SLIT1: variants seen among roughly 807,000 people sequenced by gnomAD.
SLIT1 encodes the protein slit guidance ligand 1, also known as slit homolog 1 protein.
In SLIT1, 66 loss-of-function variants were observed where a neutral mutation model predicts 186.1. That is an observed-to-expected ratio of 0.35 (90% CI 0.29 to 0.44). The LOEUF (loss-of-function observed/expected upper bound fraction) is 0.44. Among genes scored for constraint, SLIT1 ranks in the 20% least tolerant of loss-of-function variants. The probability of loss-of-function intolerance (pLI) is 1.00; values close to 1 mark genes in which losing one functional copy is unlikely to be tolerated. For synonymous variants in SLIT1, 761 were observed against 833.8 expected (o/e 0.91, Z 1.50); for missense variants, 1,638 against 2,037.4 (o/e 0.80, Z 3.77).
intron 4 of SLIT1, among the ~76,000 whole-genome samples, chr10:97,070,705 C>T (rs1848994539): frequency 6.6e-6 from 1 of 152,204 alleles, no homozygotes; most frequent in Non-Finnish European, 1.5e-5. Flanking sequence ...GTCTATGAAG[C>T]CGGAAGCAGC....
intron 1 of SLIT1, among the ~76,000 whole-genome samples, chr10:97,168,646 T>C (rs1387945106): frequency 6.6e-6 from 1 of 152,192 alleles, no homozygotes; most frequent in African/African-American, 2.4e-5. Context: ...GTGACTGGAA[T>C]CCCTGGGCTG....
intron 4 of SLIT1, among the ~76,000 whole-genome samples, chr10:97,096,163 C>T (rs1849286685): frequency 6.6e-6 from 1 of 152,222 alleles, no homozygotes; most frequent in Non-Finnish European, 1.5e-5. Context: ...GCCCAGCAAA[C>T]AAAACAGCCA....
chr10:97,066,060 G>A lies in SLIT1; in HGVS notation c.440C>T (p.Ala147Val), dbSNP rs1182685878. 5 of 1,605,740 alleles carry A rather than the reference G, an allele frequency of 3.1e-6. No homozygotes were observed. In the South Asian group the frequency reaches 4.5e-5, roughly 14 times the overall value. ...TCCCCGAAAAGCTTTCCTGGGGATG[G>A]CCTGGATGGCGTTCTCACTCAAGTC... ...RLDLSENAIQ[A>V]IPRKAFRGAT... Residue 147 changes from alanine (A) to valine (V), a missense_variant, in exon 5 of 37, where the codon GCC (alanine) becomes GTC (valine). By Grantham distance (64) the Ala-to-Val change is moderately conservative (BLOSUM62 0). Coordinates refer to ENST00000266058, the MANE Select transcript of SLIT1 (RefSeq NM_003061.3).
intron 28 of SLIT1, 30 bp from the exon 29 acceptor site, chr10:97,014,188 A>G: frequency 6.2e-7 from 1 of 1,610,656 alleles, no homozygotes. Flanking sequence ...ATGGAGAGAC[A>G]GCCCTCTTGG....
At chr10:97,126,199 C>A (rs139198664) in intron 4 of SLIT1, among the ~76,000 whole-genome samples, 2 of 152,214 alleles carry the variant, frequency 1.3e-5, no homozygotes, top group Non-Finnish European at 2.9e-5. Flanking sequence ...TTCGCTTACA[C>A]AGAAAGCACC....
chr10:97,025,408 A>G (rs772286532), intron 25 of SLIT1, among the ~76,000 whole-genome samples: 28 of 152,198 alleles, frequency 1.8e-4, no homozygotes, highest in Admixed American at 5.9e-4. Flanking sequence ...TTGTTTCTAT[A>G]CTGAATAGAC....
chr10:97,183,111 T>A (rs902472), intron 1 of SLIT1, among the ~76,000 whole-genome samples: 102,599 of 151,984 alleles, frequency 0.68, 35,304 homozygotes, highest in African/African-American at 0.8. Context: ...CCAACCTTGA[T>A]AAAGTGGCCC....
Position 97,006,252 on chromosome 10 carries a change from A to G in SLIT1, c.3579+231T>C, listed in dbSNP as rs1167784404. Among the ~76,000 whole-genome samples, 1 of 152,226 alleles carries G rather than the reference A, an allele frequency of 6.6e-6. No homozygotes were observed. The highest frequency in any genetic ancestry group is 1.9e-4 in the East Asian group (1 of 5,202). The stretch of plus-strand genomic sequence containing the variant: ...CAAGCCTGGTTTTCTGGATTCAGTT[A>G]CCCATGAGACCATGTCCACCCCTGC... On this transcript the variant is annotated intron_variant, in intron 32 of 36. Transcript: ENST00000266058. The surrounding 1 kb of genome is among the most constrained non-coding windows in gnomAD (Gnocchi z 4.0).
chr10:97,019,242 A>G, intron 26 of SLIT1, 135 bp from the exon 27 acceptor site: 1 of 631,644 alleles, frequency 1.6e-6, no homozygotes, highest in South Asian at 2.0e-5. Flanking sequence ...TCGTGCTCAC[A>G]CTCCCCTTGC....
At position 97,043,564 on chromosome 10, in the gene SLIT1, A is replaced by G. The variant is rs923749029; in HGVS notation, c.1854-51T>C. ...GGGGACCCTTGCTGCCCTGCCAGCC[A>G]TCCACCTGGGCCACGCAGCTTCCGC... On this transcript the variant is annotated intron_variant, in intron 18 of 36. Coordinates refer to ENST00000266058, the MANE Select transcript of SLIT1 (RefSeq NM_003061.3). The surrounding 1 kb of genome is among the most constrained non-coding windows in gnomAD (Gnocchi z 7.0). 2 of 1,563,476 alleles carry G rather than the reference A, an allele frequency of 1.3e-6. No individual in the cohort carries two copies. The highest frequency in any genetic ancestry group is 2.7e-5 in the African/African-American group (2 of 74,172).
chr10:97,011,284 A>G (rs1028550415), intron 30 of SLIT1, among the ~76,000 whole-genome samples, 154 bp from the exon 31 acceptor site: 39 of 152,164 alleles, frequency 2.6e-4, no homozygotes, highest in African/African-American at 8.2e-4. Context: ...GGTCACACAG[A>G]GCTCTGGATC....
At chr10:97,133,301 C>G (rs561490984) in intron 4 of SLIT1, among the ~76,000 whole-genome samples, 1 of 152,314 alleles carries the variant, frequency 6.6e-6, no homozygotes, top group South Asian at 2.1e-4. Flanking sequence ...ACCTATAATC[C>G]CAGCCTTTGG....
At chr10:97,160,282 T>A (rs991919312) in intron 3 of SLIT1, among the ~76,000 whole-genome samples, 2 of 152,214 alleles carry the variant, frequency 1.3e-5, no homozygotes, top group African/African-American at 4.8e-5. Flanking sequence ...CCATTCTAAC[T>A]CTATAATTTA....
intron 4 of SLIT1, among the ~76,000 whole-genome samples, chr10:97,135,737 A>G (rs1296426093): frequency 1.3e-5 from 2 of 152,230 alleles, no homozygotes; most frequent in Non-Finnish European, 2.9e-5. Context: ...GAGGGGCTGC[A>G]GAAGGGGATG....
chr10:97,117,691 T>G (rs921408678), intron 4 of SLIT1, among the ~76,000 whole-genome samples: 5 of 152,198 alleles, frequency 3.3e-5, no homozygotes, highest in Non-Finnish European at 7.3e-5. Flanking sequence ...GTGACGCACA[T>G]GCAAGTCACT....
intron 11 of SLIT1, among the ~76,000 whole-genome samples, chr10:97,058,665 C>CG (rs945450085): frequency 2.9e-4 from 44 of 152,202 alleles, no homozygotes; most frequent in African/African-American, 1.0e-3. Flanking sequence ...CTGCACTCCC[C>CG]GGGGGAGTTC....
Position 97,009,329 on chromosome 10 carries a change from A to G in SLIT1, c.3341+1664T>C, listed in dbSNP as rs185619213. Among the ~76,000 whole-genome samples the G allele has an allele frequency of 3.3e-3, 504 of 152,372 alleles. 2 individuals carry two copies. The highest frequency in any genetic ancestry group is 5.3e-3 in the Non-Finnish European group (362 of 68,032). ...ATGGAATAGAACTTGAAGTCCAGAAATATCCTTACATTTAAAGTTAGCTGA... is the reference window on the plus strand; with the variant it reads ...ATGGAATAGAACTTGAAGTCCAGAAGTATCCTTACATTTAAAGTTAGCTGA... On this transcript the variant is annotated intron_variant, in intron 31 of 36. Coordinates refer to ENST00000266058, the MANE Select transcript of SLIT1 (RefSeq NM_003061.3).
chr10:97,096,323 CCACT>C (rs1849288898), intron 4 of SLIT1, among the ~76,000 whole-genome samples: 1 of 152,106 alleles, frequency 6.6e-6, no homozygotes, highest in South Asian at 2.1e-4. Flanking sequence ...CTTCCTGCCC[CCACT>C]CACTACTTGC....
At chr10:97,105,830 C>T (rs1849408809) in intron 4 of SLIT1, among the ~76,000 whole-genome samples, 1 of 152,180 alleles carries the variant, frequency 6.6e-6, no homozygotes, top group Non-Finnish European at 1.5e-5. Context: ...CAGCCCAGAC[C>T]AAAACAGAGA....
Sources: allele counts gnomAD v4.1 joint callset (sites outside exome capture counted in the v4.1 genomes callset), GRCh38; gene constraint gnomAD v4.1.1; non-coding constraint Gnocchi (gnomAD v3.1); transcripts MANE v1.5; gene names NCBI Gene and HGNC (gene_info 2026-07-23, HGNC 2026-07-21).